Variants in DLG2 observed in about 807,000 individuals in gnomAD.
The protein encoded by DLG2 is disks large homolog 2.
DLG2 carries 45 observed loss-of-function variants against 132.5 expected under a neutral mutation model. The observed-to-expected ratio is 0.34, with a 90% confidence interval of 0.27 to 0.44. The LOEUF is 0.44. Among genes scored for constraint, DLG2 ranks in the 20% least tolerant of loss-of-function variants. The pLI, the probability that DLG2 is intolerant of heterozygous loss-of-function variation, is 1.00. For missense variants in DLG2, 1,045 were observed against 1,196.9 expected (o/e 0.87, Z 1.87); for synonymous variants, 424 against 419.6 (o/e 1.01, Z -0.13).
At chr11:84,199,503 C>T (rs1283339169) in intron 8 of DLG2, among the ~76,000 whole-genome samples, 1 of 151,792 alleles carries the variant, frequency 6.6e-6, no homozygotes, top group Middle Eastern at 3.4e-3. Context: ...AACAAGTAGA[C>T]AAAGATTTTT....
intron 17 of DLG2, among the ~76,000 whole-genome samples, chr11:83,831,842 G>C (rs2054618183): frequency 6.6e-6 from 1 of 152,018 alleles, no homozygotes; most frequent in Admixed American, 6.6e-5. Context: ...ATCATACTAA[G>C]GAGGAAGCTT....
chr11:85,032,287 C>T (rs1377684020), intron 6 of DLG2, among the ~76,000 whole-genome samples: 1 of 152,110 alleles, frequency 6.6e-6, no homozygotes, highest in Non-Finnish European at 1.5e-5. Flanking sequence ...TTCTTTCAAA[C>T]ATTGATTGCC....
At position 83,498,178 on chromosome 11, in the gene DLG2, G is replaced by T. The variant is rs547486634; in HGVS notation, c.2194-13950C>A. Among the ~76,000 whole-genome samples the T allele has an allele frequency of 3.9e-5, 6 of 152,146 alleles. No homozygotes were observed. The South Asian group carries it at 1.2e-3, about 32-fold the overall frequency. On this transcript the variant is annotated intron_variant, in intron 21 of 27. Coordinates refer to ENST00000376104, the MANE Select transcript of DLG2 (RefSeq NM_001142699.3). The stretch of plus-strand genomic sequence containing the variant: ...CATAGACTTTGGAATTTGGCTGTAT[G>T]ACTTTAGAAATATTATTTAATCTCT...
chr11:83,689,273 A>G (rs2080413041), intron 18 of DLG2, among the ~76,000 whole-genome samples: 1 of 152,132 alleles, frequency 6.6e-6, no homozygotes, highest in Admixed American at 6.6e-5. Flanking sequence ...CAAGTGTTGC[A>G]ATCAGAGTAA....
At chr11:83,891,089 C>T (rs1016976549) in intron 15 of DLG2, among the ~76,000 whole-genome samples, 1 of 152,070 alleles carries the variant, frequency 6.6e-6, no homozygotes, top group African/African-American at 2.4e-5. Flanking sequence ...ACAGTTTAAT[C>T]TCAGAAGTCA....
intron 7 of DLG2, among the ~76,000 whole-genome samples, chr11:84,266,024 T>A (rs2097626238): frequency 6.6e-6 from 1 of 152,142 alleles, no homozygotes. Context: ...ATTTCTGGGA[T>A]GGGTATGGAA....
rs1049720671 is a variant in DLG2 at position 85,529,432 on chromosome 11, T to C, written c.40+69225A>G. Among the ~76,000 whole-genome samples the C allele has an allele frequency of 2.0e-5, 3 of 152,124 alleles. No individual in the cohort carries two copies. In the South Asian group the frequency reaches 6.2e-4, roughly 32 times the overall value. On this transcript the variant is annotated intron_variant, in intron 3 of 27. Transcript: ENST00000376104. ...AAGATTATCAATCTTTTTAAATCCA[T>C]CCTAGAAATATCTATTTTTTATCTT...
intron 3 of DLG2, among the ~76,000 whole-genome samples, chr11:85,291,738 C>T (rs1206161600): frequency 1.3e-5 from 2 of 152,080 alleles, no homozygotes; most frequent in Admixed American, 1.3e-4. Flanking sequence ...GTGCCCAACA[C>T]CATGCCCAGT....
intron 6 of DLG2, among the ~76,000 whole-genome samples, chr11:84,991,540 G>GA (rs1566593940): frequency 8.1e-6 from 1 of 122,820 alleles, no homozygotes; most frequent in African/African-American, 3.2e-5. Flanking sequence ...AGAAAGAAAG[G>GA]AAGAAAGAAA....
At chr11:85,151,348 T>A (rs2077235179) in intron 5 of DLG2, among the ~76,000 whole-genome samples, 1 of 151,504 alleles carries the variant, frequency 6.6e-6, no homozygotes, top group African/African-American at 2.4e-5. Context: ...TTCTTTGATG[T>A]ACAGAAGTCT....
chr11:85,060,800 T>C (rs2064032430), intron 6 of DLG2, among the ~76,000 whole-genome samples: 3 of 151,892 alleles, frequency 2.0e-5, no homozygotes, highest in African/African-American at 7.2e-5. Context: ...CCAGAAACAG[T>C]GTATAAGGGT....
intron 6 of DLG2, among the ~76,000 whole-genome samples, chr11:85,066,695 T>A (rs189935113): frequency 5.1e-4 from 78 of 151,774 alleles, no homozygotes; most frequent in Middle Eastern, 3.4e-3. Context: ...AAAAACTATA[T>A]GATTATATCA....
At chr11:83,825,169 ATATTTTTTTTTTTTT>A (rs1356076647) in intron 17 of DLG2, among the ~76,000 whole-genome samples, 18 of 91,206 alleles carry the variant, frequency 2.0e-4, no homozygotes, top group African/African-American at 8.3e-4. Context: ...ATATATATAT[ATATTTTTTTTTTTTT>A]TTTTTTTTTT....
chr11:85,492,902 C>G (rs2093594005), intron 3 of DLG2, among the ~76,000 whole-genome samples: 1 of 151,870 alleles, frequency 6.6e-6, no homozygotes, highest in South Asian at 2.1e-4. Context: ...CCTTTACATG[C>G]CCTAAATTAA....
At chr11:85,045,636 TAA>T (rs1219696230) in intron 6 of DLG2, among the ~76,000 whole-genome samples, 1 of 152,022 alleles carries the variant, frequency 6.6e-6, no homozygotes, top group East Asian at 1.9e-4. Flanking sequence ...TGAAAATAAT[TAA>T]ACTGGATTTC....
chr11:83,794,931 G>C (rs2042425064), intron 17 of DLG2, among the ~76,000 whole-genome samples: 1 of 152,162 alleles, frequency 6.6e-6, no homozygotes, highest in Non-Finnish European at 1.5e-5. Context: ...ACTGGCAGCA[G>C]ATGATTGGGT....
rs535992265 is a variant in DLG2, at chr11:84,394,023, T to A, written c.519+140547A>T. 1.6e-3 allele frequency among the ~76,000 whole-genome samples: 246 copies of A among 152,120 alleles called. 1 individual carries two copies. The highest frequency in any genetic ancestry group is 5.7e-3 in the African/African-American group (237 of 41,524). ...GCCTCAGCCTCCCGAGTAGCTGTGATTACAGGCATGCATCAACACGCCCAG... is the reference window on the plus strand; with the variant it reads ...GCCTCAGCCTCCCGAGTAGCTGTGAATACAGGCATGCATCAACACGCCCAG... On this transcript the variant is annotated intron_variant, in intron 7 of 27. Coordinates refer to ENST00000376104, the MANE Select transcript of DLG2 (RefSeq NM_001142699.3).
At chr11:83,465,490 A>G (rs137997097) in intron 26 of DLG2, among the ~76,000 whole-genome samples, 289 of 152,272 alleles carry the variant, frequency 1.9e-3, no homozygotes, top group Middle Eastern at 3.4e-3. Context: ...GTCAAACACT[A>G]TGGTCTTGAG....
intron 3 of DLG2, among the ~76,000 whole-genome samples, chr11:85,338,708 T>A (rs2082288097): frequency 1.4e-5 from 2 of 144,962 alleles, no homozygotes; most frequent in South Asian, 2.3e-4. Flanking sequence ...ATAATTTTTT[T>A]TTTTTTTTTT....
Sources: gnomAD v4.1 joint callset for allele counts (sites outside exome capture counted in the v4.1 genomes callset) on GRCh38, gnomAD v4.1.1 for gene constraint, MANE v1.5 for transcripts, NCBI Gene and HGNC (gene_info 2026-07-23, HGNC 2026-07-21) for gene names.